Variants in PRKN observed in about 807,000 individuals in gnomAD.
PRKN encodes the protein E3 ubiquitin-protein ligase parkin.
A neutral mutation model predicts 59.5 loss-of-function variants in PRKN; 56 were observed. The ratio of observed to expected loss-of-function variants is 0.94; its 90% CI spans 0.76 to 1.18. The LOEUF is 1.18. PRKN is among the 50% of genes most tolerant of loss of function. The pLI is 0.00. For missense variants in PRKN, 657 were observed against 596.4 expected, an observed-to-expected ratio of 1.10 and a Z score of -1.06; for synonymous variants, 250 against 222.1, an observed-to-expected ratio of 1.13 and a Z score of -1.12.
intron 1 of PRKN, among the ~76,000 whole-genome samples, chr6:162,540,398 C>T (rs971035571): frequency 6.6e-6 from 1 of 151,924 alleles, no homozygotes; most frequent in Non-Finnish European, 1.5e-5. Flanking sequence ...TTCAAAGATC[C>T]CATTAATGTT....
intron 6 of PRKN, among the ~76,000 whole-genome samples, chr6:161,897,650 C>G (rs546961642): frequency 1.3e-5 from 2 of 152,278 alleles, no homozygotes; most frequent in African/African-American, 2.4e-5. Flanking sequence ...TGCTTCTACC[C>G]TCTGTGATAA....
chr6:162,021,762 T>C (rs1224504722), intron 5 of PRKN, among the ~76,000 whole-genome samples: 1 of 152,114 alleles, frequency 6.6e-6, no homozygotes, highest in Non-Finnish European at 1.5e-5. Flanking sequence ...CGTGTGATGT[T>C]GGGGTTTGGG....
At chr6:161,743,046 C>CA (rs1323338758) in intron 7 of PRKN, among the ~76,000 whole-genome samples, 1 of 152,026 alleles carries the variant, frequency 6.6e-6, no homozygotes, top group African/African-American at 2.4e-5. Flanking sequence ...TCATTGCCTT[C>CA]ATAATAAAAC....
chr6:162,391,543 A>G (rs1787193385), intron 2 of PRKN, among the ~76,000 whole-genome samples: 1 of 150,998 alleles, frequency 6.6e-6, no homozygotes, highest in South Asian at 2.1e-4. Context: ...ATCTGCAATG[A>G]CTTCCTTCTG....
intron 7 of PRKN, among the ~76,000 whole-genome samples, chr6:161,649,704 G>A (rs1264883287): frequency 2.6e-5 from 4 of 152,078 alleles, no homozygotes; most frequent in Admixed American, 6.6e-5. Flanking sequence ...CCCAAAGTAT[G>A]GCCAACTGTA....
intron 9 of PRKN, among the ~76,000 whole-genome samples, chr6:161,469,729 G>C (rs1790684842): frequency 6.6e-6 from 1 of 152,132 alleles, no homozygotes; most frequent in Non-Finnish European, 1.5e-5. Context: ...CCTCCAGAAG[G>C]AATGCAGCCC....
intron 1 of PRKN, among the ~76,000 whole-genome samples, chr6:162,705,037 TA>T (rs556759967): frequency 6.6e-6 from 1 of 152,098 alleles, no homozygotes; most frequent in African/African-American, 2.4e-5. Context: ...TTTGCTTTTT[TA>T]AAAAAAATTG....
At chr6:162,685,545 C>T (rs929435312) in intron 1 of PRKN, among the ~76,000 whole-genome samples, 3 of 151,896 alleles carry the variant, frequency 2.0e-5, no homozygotes, top group Non-Finnish European at 2.9e-5. Context: ...CCTTTACCAC[C>T]GACATTAAAA....
intron 1 of PRKN, among the ~76,000 whole-genome samples, chr6:162,527,444 A>G: frequency 6.6e-6 from 1 of 152,216 alleles, no homozygotes; most frequent in East Asian, 1.9e-4. Flanking sequence ...TGAATAAAAA[A>G]TTATCTAAGT....
chr6:162,561,974 A>G (rs1015233525), intron 1 of PRKN, among the ~76,000 whole-genome samples: 4 of 152,138 alleles, frequency 2.6e-5, no homozygotes, highest in Admixed American at 2.6e-4. Flanking sequence ...CAGACAAGGG[A>G]GTGCTGGCAT....
intron 10 of PRKN, among the ~76,000 whole-genome samples, chr6:161,370,608 A>AAAAAAAAAAAAAAAAC (rs1785405953): frequency 6.6e-6 from 1 of 150,918 alleles, no homozygotes; most frequent in African/African-American, 2.4e-5. Context: ...AAAAAAAAAA[A>AAAAAAAAAAAAAAAAC]AAAGCCGAAT....
At chr6:162,379,457 C>G (rs1583467192) in intron 2 of PRKN, among the ~76,000 whole-genome samples, 3 of 152,142 alleles carry the variant, frequency 2.0e-5, no homozygotes, top group Non-Finnish European at 2.9e-5. Context: ...TGACATACTT[C>G]TTTCTCTACC....
chr6:162,480,380 T>A (rs749306810), intron 1 of PRKN, among the ~76,000 whole-genome samples: 5 of 152,186 alleles, frequency 3.3e-5, no homozygotes, highest in Non-Finnish European at 7.3e-5. Context: ...TACATTTTTT[T>A]ACTGTATTTG....
In PRKN at chr6:162,727,662, C is replaced by T; in HGVS notation, c.7G>A (p.Val3Met). The T allele has an allele frequency of 6.3e-7, 1 of 1,584,694 alleles. No homozygotes were observed. Among genetic ancestry groups the T allele is most frequent in the Admixed American group, 1.8e-5 (1 of 56,238 alleles). Reference sequence around the variant, plus strand: ...CTGTACCTGGCAGGTACCCACGTACCTATCATGGTCACTGGGTAGGTGGCG... The same window carrying T: ...CTGTACCTGGCAGGTACCCACGTACTTATCATGGTCACTGGGTAGGTGGCG... MIVFVRFNSSHGF... is the reference protein window; with the variant it reads MIMFVRFNSSHGF... Residue 3 changes from valine (V) to methionine (M), a missense_variant and splice_region_variant, in exon 1 of 12, where the codon GTG becomes ATG. Coordinates refer to ENST00000366898, the MANE Select transcript of PRKN (RefSeq NM_004562.3).
chr6:162,405,354 A>G (rs1476517653), intron 2 of PRKN, among the ~76,000 whole-genome samples: 1 of 152,172 alleles, frequency 6.6e-6, no homozygotes, highest in Non-Finnish European at 1.5e-5. Flanking sequence ...GGGTTTCTCT[A>G]AGTCGCCCTC....
intron 2 of PRKN, among the ~76,000 whole-genome samples, chr6:162,278,871 CAAA>C (rs145551896): frequency 0.026 from 3,953 of 151,942 alleles, 61 homozygotes; most frequent in East Asian, 0.064. Context: ...GTGAGGGAGA[CAAA>C]GAAAGATAAA....
chr6:162,467,000 T>A (rs1037926068), intron 1 of PRKN, among the ~76,000 whole-genome samples: 31 of 152,250 alleles, frequency 2.0e-4, no homozygotes, highest in Admixed American at 9.2e-4. Flanking sequence ...AATTAACAAA[T>A]CTGGTTAGGA....
rs567877364 is a variant in PRKN, at chr6:161,531,372, C to T, written c.1083+17482G>A. 2.3e-3 allele frequency among the ~76,000 whole-genome samples: 336 copies of T among 145,036 alleles called. 1 individual carries two copies. Among genetic ancestry groups the T allele is most frequent in the African/African-American group, 8.4e-3 (324 of 38,396 alleles). ...CTCCAGCCTGGATGACAGAGCGAGA[C>T]TCCGTCTCAAAAAAAAAAAAAAAAA... On this transcript the variant is annotated intron_variant, in intron 9 of 11. Coordinates refer to ENST00000366898, the MANE Select transcript of PRKN (RefSeq NM_004562.3).
At chr6:162,596,379 G>C (rs958138606) in intron 1 of PRKN, among the ~76,000 whole-genome samples, 3 of 152,054 alleles carry the variant, frequency 2.0e-5, no homozygotes, top group African/African-American at 7.2e-5. Context: ...CGCTAATCAT[G>C]TCCATTGAGT....
Sources: gnomAD v4.1 joint callset for allele counts (sites outside exome capture counted in the v4.1 genomes callset) on GRCh38, gnomAD v4.1.1 for gene constraint, MANE v1.5 for transcripts, NCBI Gene and HGNC (gene_info 2026-07-23, HGNC 2026-07-21) for gene names.